Variants in OPHN1 observed in about 807,000 individuals in gnomAD.
OPHN1 encodes oligophrenin-1.
In OPHN1, 11 loss-of-function variants were observed where a neutral mutation model predicts 60.7. The ratio of observed to expected loss-of-function variants is 0.18; its 90% CI spans 0.11 to 0.30. The LOEUF (loss-of-function observed/expected upper bound fraction) is 0.30. OPHN1 is among the 10% of genes least tolerant of loss of function. The pLI, the probability that OPHN1 is intolerant of heterozygous loss-of-function variation, is 1.00. For synonymous variants in OPHN1, 226 were observed against 222.6 expected (o/e 1.02, Z -0.14); for missense variants, 449 against 611.0 (o/e 0.73, Z 2.80).
chrX:68,377,055 G>T (rs2078561581), intron 2 of OPHN1, among the ~76,000 whole-genome samples: 1 of 104,512 alleles, frequency 9.6e-6, no homozygotes, highest in Admixed American at 1.1e-4. Flanking sequence ...TCAGCCTCCT[G>T]AGTAGCTGGG....
intron 2 of OPHN1, among the ~76,000 whole-genome samples, chrX:68,353,573 TTAAA>T (rs748979828): frequency 1.8e-4 from 20 of 110,348 alleles, no homozygotes; most frequent in Non-Finnish European, 3.6e-4. Context: ...AAACTCCACC[TTAAA>T]TAAATAAATA....
chrX:68,119,521 A>G (rs1160020621), intron 15 of OPHN1, among the ~76,000 whole-genome samples, 189 bp from the exon 16 acceptor site: 1 of 112,199 alleles, frequency 8.9e-6, no homozygotes, highest in Non-Finnish European at 1.9e-5. Flanking sequence ...GAAATAAGAA[A>G]GTAATCTATC....
chrX:68,136,291 CT>C (rs779712280), intron 15 of OPHN1, among the ~76,000 whole-genome samples: 916 of 63,895 alleles, frequency 0.014, 3 homozygotes, highest in Middle Eastern at 0.025. Flanking sequence ...AATATCTTTT[CT>C]TTTTTTTTTT....
At chrX:68,189,477 G>C (rs146191211) in intron 15 of OPHN1, among the ~76,000 whole-genome samples, 244 of 109,666 alleles carry the variant, frequency 2.2e-3, no homozygotes, top group African/African-American at 7.6e-3. Context: ...TTTACATTAG[G>C]TATATCTCCT....
intron 2 of OPHN1, among the ~76,000 whole-genome samples, chrX:68,405,592 G>C (rs1189029233): frequency 9.0e-6 from 1 of 111,120 alleles, no homozygotes; most frequent in Non-Finnish European, 1.9e-5. Flanking sequence ...GGATTTCCTA[G>C]ATGTCAGCAG....
intron 2 of OPHN1, among the ~76,000 whole-genome samples, chrX:68,416,067 TAGAGAGAGAGAG>T (rs1171250178): frequency 0.011 from 89 of 8,283 alleles, 1 homozygote; most frequent in Non-Finnish European, 0.012. Context: ...TATATATATA[TAGAGAGAGAGAG>T]AGAGAGAGAG....
At chrX:68,126,608 C>T (rs969645148) in intron 15 of OPHN1, among the ~76,000 whole-genome samples, 2 of 111,067 alleles carry the variant, frequency 1.8e-5, no homozygotes, top group Admixed American at 9.6e-5. Flanking sequence ...CCACACCTGG[C>T]TAATTTTTGT....
rs780309928 is a variant in OPHN1 at position 68,123,736 on chromosome X, T to C, written c.1277-4404A>G. On this transcript the variant is annotated intron_variant, in intron 15 of 24. Coordinates refer to ENST00000355520, the MANE Select transcript of OPHN1 (RefSeq NM_002547.3). ...TAACCTCAAATCAAAAAAGATACAATGGATACACAAAAAATAAAAAGGAAG... is the reference window on the plus strand; with the variant it reads ...TAACCTCAAATCAAAAAAGATACAACGGATACACAAAAAATAAAAAGGAAG... Among the ~76,000 whole-genome samples the C allele has an allele frequency of 1.1e-4, 12 of 110,581 alleles. No homozygotes were observed. In the South Asian group the frequency reaches 4.6e-3, roughly 42 times the overall value.
chrX:68,161,894 A>G (rs1234435381), intron 15 of OPHN1, among the ~76,000 whole-genome samples: 3 of 111,587 alleles, frequency 2.7e-5, no homozygotes, highest in African/African-American at 9.7e-5. Context: ...ATGGCAGCAC[A>G]AATTTATTAA....
intron 2 of OPHN1, among the ~76,000 whole-genome samples, chrX:68,355,862 C>A (rs996383501): frequency 9.0e-6 from 1 of 111,073 alleles, no homozygotes; most frequent in Non-Finnish European, 1.9e-5. Context: ...CATGACAAAA[C>A]CCCATCTCTA....
intron 5 of OPHN1, among the ~76,000 whole-genome samples, chrX:68,237,130 C>T (rs760499509): frequency 8.9e-6 from 1 of 111,918 alleles, no homozygotes; most frequent in East Asian, 2.8e-4. Context: ...AGATTACAGG[C>T]ATGTGCCACT....
chrX:68,170,510 T>C (rs1226816512), intron 15 of OPHN1, among the ~76,000 whole-genome samples: 2 of 109,610 alleles, frequency 1.8e-5, no homozygotes, highest in African/African-American at 3.4e-5. Context: ...TTATTCACAA[T>C]AGCAAAGACT....
rs181923408 is a variant in OPHN1 at position 68,299,825 on chromosome X, C to A, written c.155-729G>T. 4.5e-3 allele frequency among the ~76,000 whole-genome samples: 497 copies of A among 110,911 alleles called. 4 individuals are homozygous for A. Among genetic ancestry groups the A allele is most frequent in the African/African-American group, 0.015 (471 of 30,582 alleles). Reference sequence around the variant, plus strand: ...TAAAATTAAATCATGTTTAGCTATACTTTTGAGAAGTTATCTTTATTGAGA... The same window carrying A: ...TAAAATTAAATCATGTTTAGCTATAATTTTGAGAAGTTATCTTTATTGAGA... On this transcript the variant is annotated intron_variant, in intron 2 of 24. Transcript: ENST00000355520.
intron 2 of OPHN1, among the ~76,000 whole-genome samples, chrX:68,432,550 T>A (rs1285654815): frequency 8.9e-6 from 1 of 111,829 alleles, no homozygotes; most frequent in African/African-American, 3.3e-5. Flanking sequence ...GCTGAATATG[T>A]CTAACAGTAC....
At chrX:68,202,595 G>T (rs535899927) in intron 10 of OPHN1, among the ~76,000 whole-genome samples, 1 of 110,175 alleles carries the variant, frequency 9.1e-6, no homozygotes, top group Non-Finnish European at 1.9e-5. Flanking sequence ...CGCCTCCCGG[G>T]TTCAAGCGAT....
intron 5 of OPHN1, among the ~76,000 whole-genome samples, chrX:68,267,824 A>G: frequency 8.9e-6 from 1 of 112,046 alleles, no homozygotes; most frequent in Non-Finnish European, 1.9e-5. Context: ...AGTATCAAAT[A>G]GATGCAACAA....
chrX:68,043,281 T>G lies in OPHN1; in HGVS notation c.*3891A>C, dbSNP rs112761985. 1.4e-5 allele frequency: 1 copy of G among 73,110 alleles called. No homozygotes were observed. Among genetic ancestry groups the G allele is most frequent in the South Asian group, 1.0e-3 (1 of 987 alleles). The allele number at this position is 73,110 out of a possible 1,213,427, so 6.0% of individuals were successfully genotyped here. Reference sequence around the variant, plus strand: ...GATATACCTAATGCTAGATGACACATTAGTGGGTGCAGCGCACCAGCATGG... The same window carrying G: ...GATATACCTAATGCTAGATGACACAGTAGTGGGTGCAGCGCACCAGCATGG... On this transcript the variant is annotated 3_prime_UTR_variant, in exon 25 of 25. Coordinates refer to ENST00000355520, the MANE Select transcript of OPHN1 (RefSeq NM_002547.3).
At chrX:68,389,689 T>C (rs931259861) in intron 2 of OPHN1, among the ~76,000 whole-genome samples, 8 of 105,599 alleles carry the variant, frequency 7.6e-5, no homozygotes, top group Admixed American at 2.1e-4. Flanking sequence ...AATCAGCATG[T>C]ACAGGATGTT....
intron 16 of OPHN1, among the ~76,000 whole-genome samples, chrX:68,115,042 C>T (rs993837652): frequency 8.9e-6 from 1 of 112,114 alleles, no homozygotes; most frequent in African/African-American, 3.2e-5. Flanking sequence ...ACAGATGCCA[C>T]TTCTCCAGGG....
Sources: allele counts gnomAD v4.1 joint callset (sites outside exome capture counted in the v4.1 genomes callset), GRCh38; gene constraint gnomAD v4.1.1; transcripts MANE v1.5; gene names NCBI Gene and HGNC (gene_info 2026-07-23, HGNC 2026-07-21).